PTPRD: variants seen among roughly 807,000 people sequenced by gnomAD.
PTPRD encodes the protein receptor-type tyrosine-protein phosphatase delta.
Under a neutral mutation model 214.5 loss-of-function variants are expected in PTPRD, and 34 were observed. The observed-to-expected ratio is 0.16, with a 90% CI of 0.12 to 0.21. The LOEUF is 0.21. Among genes scored for constraint, PTPRD ranks in the 10% least tolerant of loss-of-function variants. The pLI is 1.00. For missense variants in PTPRD, 2,545 were observed against 2,398.7 expected (o/e 1.06, Z -1.27); for synonymous variants, 1,128 against 845.7 (o/e 1.33, Z -5.79).
At chr9:9,910,533 A>C (rs1192372151) in intron 5 of PTPRD, among the ~76,000 whole-genome samples, 4 of 151,996 alleles carry the variant, frequency 2.6e-5, no homozygotes, top group Non-Finnish European at 5.9e-5. Context: ...ATTTCTGTTC[A>C]GCTTTTCTAG....
intron 9 of PTPRD, among the ~76,000 whole-genome samples, chr9:9,210,724 C>T (rs1171419672): frequency 6.6e-6 from 1 of 152,120 alleles, no homozygotes; most frequent in Non-Finnish European, 1.5e-5. Context: ...AAATGACTTG[C>T]CACATCCTAA....
In PTPRD at chr9:8,341,648, A is replaced by T. The variant is rs775002453; in HGVS notation, c.4947+45T>A. 7.1e-5 allele frequency: 114 copies of T among 1,595,858 alleles called. 1 individual carries two copies. In the South Asian group the frequency reaches 1.2e-3, roughly 16 times the overall value. ...AAAGCCACGACTCAAAGACAAACCC[A>T]GAATGACTTGCTCCTGAATAACCAC... On this transcript the variant is annotated intron_variant, in intron 40 of 45. Transcript: ENST00000381196.
chr9:9,111,063 C>T (rs2099805284), intron 10 of PTPRD, among the ~76,000 whole-genome samples: 1 of 151,860 alleles, frequency 6.6e-6, no homozygotes, highest in South Asian at 2.1e-4. Context: ...GCTGACAGTC[C>T]AACAGGGAAG....
intron 8 of PTPRD, among the ~76,000 whole-genome samples, chr9:9,500,933 C>T (rs1455717361): frequency 6.6e-6 from 1 of 151,820 alleles, no homozygotes; most frequent in East Asian, 1.9e-4. Context: ...ATATTAATTG[C>T]AAGTACACAC....
chr9:8,390,875 G>C (rs575620998), intron 36 of PTPRD, among the ~76,000 whole-genome samples: 3 of 152,164 alleles, frequency 2.0e-5, no homozygotes, highest in Non-Finnish European at 4.4e-5. Context: ...GAGAGGTTTA[G>C]ATTTACTCTG....
intron 11 of PTPRD, among the ~76,000 whole-genome samples, chr9:8,809,704 C>T (rs1245078672): frequency 6.6e-6 from 1 of 152,156 alleles, no homozygotes; most frequent in East Asian, 1.9e-4. Context: ...ATAAGGTTTA[C>T]TCTGCGTACA....
intron 2 of PTPRD, among the ~76,000 whole-genome samples, chr9:10,492,531 A>T: frequency 6.6e-6 from 1 of 152,012 alleles, no homozygotes; most frequent in Admixed American, 6.6e-5. Context: ...ATGTCTGTTC[A>T]TATCCTTTGC....
chr9:9,735,577 G>T (rs1454684183), intron 6 of PTPRD, among the ~76,000 whole-genome samples: 3 of 152,058 alleles, frequency 2.0e-5, no homozygotes, highest in Admixed American at 1.3e-4. Context: ...TCTCCATAAT[G>T]CTGGACCACT....
At chr9:9,035,672 C>T (rs2099619454) in intron 10 of PTPRD, among the ~76,000 whole-genome samples, 1 of 152,020 alleles carries the variant, frequency 6.6e-6, no homozygotes, top group African/African-American at 2.4e-5. Flanking sequence ...CTGTCAAGTC[C>T]TCTTACTTGA....
chr9:10,517,951 A>G (rs1179384878), intron 2 of PTPRD, among the ~76,000 whole-genome samples: 1 of 152,138 alleles, frequency 6.6e-6, no homozygotes, highest in Non-Finnish European at 1.5e-5. Flanking sequence ...TTTTGAACAG[A>G]GTTTGGAACT....
intron 3 of PTPRD, among the ~76,000 whole-genome samples, chr9:10,272,514 C>T (rs1053545259): frequency 1.3e-5 from 2 of 152,164 alleles, no homozygotes; most frequent in Non-Finnish European, 2.9e-5. Flanking sequence ...CACTGTTAAA[C>T]ACATAGTTCT....
At chr9:8,355,243 G>A (rs1431035951) in intron 39 of PTPRD, among the ~76,000 whole-genome samples, 1 of 152,012 alleles carries the variant, frequency 6.6e-6, no homozygotes, top group African/African-American at 2.4e-5. Context: ...CTCCCCTTTT[G>A]CCTTCCACCA....
At chr9:9,905,647 C>G (rs1244593144) in intron 5 of PTPRD, among the ~76,000 whole-genome samples, 1 of 151,934 alleles carries the variant, frequency 6.6e-6, no homozygotes, top group Non-Finnish European at 1.5e-5. Flanking sequence ...AAACTCAGCA[C>G]AAAACCCAAG....
chr9:9,209,784 G>A (rs1194608379), intron 9 of PTPRD, among the ~76,000 whole-genome samples: 1 of 152,096 alleles, frequency 6.6e-6, no homozygotes, highest in Non-Finnish European at 1.5e-5. Context: ...TATATATCCT[G>A]TCTCAGATTT....
intron 14 of PTPRD, among the ~76,000 whole-genome samples, chr9:8,571,986 G>A (rs2091273484): frequency 6.6e-6 from 1 of 152,082 alleles, no homozygotes; most frequent in Non-Finnish European, 1.5e-5. Flanking sequence ...AAAGTTGGTG[G>A]ATGCGGAAGT....
intron 11 of PTPRD, among the ~76,000 whole-genome samples, chr9:8,874,300 G>A (rs1459846195): frequency 6.6e-6 from 1 of 152,162 alleles, no homozygotes; most frequent in Non-Finnish European, 1.5e-5. Context: ...AACCAAGATA[G>A]ACCAGGACAT....
chr9:10,610,318 G>C (rs1373651654), intron 2 of PTPRD, among the ~76,000 whole-genome samples: 1 of 152,156 alleles, frequency 6.6e-6, no homozygotes, highest in African/African-American at 2.4e-5. Flanking sequence ...GAGGCAGAAT[G>C]TATGTCAGGT....
At chr9:9,664,440 G>C in intron 7 of PTPRD, among the ~76,000 whole-genome samples, 1 of 151,654 alleles carries the variant, frequency 6.6e-6, no homozygotes, top group Middle Eastern at 3.4e-3. Context: ...TTCAATGGTC[G>C]TAAGAAACCA....
At chr9:8,779,515 G>C (rs539501721) in intron 11 of PTPRD, among the ~76,000 whole-genome samples, 7 of 152,208 alleles carry the variant, frequency 4.6e-5, no homozygotes, top group African/African-American at 1.4e-4. Context: ...TGTAAAGCTA[G>C]CATTCACCAC....
Sources: gnomAD v4.1 joint callset for allele counts (sites outside exome capture counted in the v4.1 genomes callset) on GRCh38, gnomAD v4.1.1 for gene constraint, MANE v1.5 for transcripts, NCBI Gene and HGNC (gene_info 2026-07-23, HGNC 2026-07-21) for gene names.